Variants in SCN8A observed in about 807,000 individuals in gnomAD.
The protein encoded by SCN8A is sodium channel protein type 8 subunit alpha.
A neutral mutation model predicts 184.1 loss-of-function variants in SCN8A; 30 were observed. That is an observed-to-expected ratio of 0.16 (90% CI 0.12 to 0.22). The LOEUF (loss-of-function observed/expected upper bound fraction) is 0.22, where lower values mean the gene tolerates loss of function less well. Among genes scored for constraint, SCN8A ranks in the 10% least tolerant of loss-of-function variants. The probability of loss-of-function intolerance (pLI) is 1.00; values close to 1 mark genes in which losing one functional copy is unlikely to be tolerated. For missense variants in SCN8A, 1,057 were observed against 2,498.9 expected (o/e 0.42, Z 12.30); for synonymous variants, 852 against 907.0 (o/e 0.94, Z 1.09).
chr12:51,762,801 A>T, intron 15 of SCN8A, 125 bp downstream of exon 15: 4 of 890,686 alleles, frequency 4.5e-6, no homozygotes, highest in Non-Finnish European at 4.7e-6. Flanking sequence ...AATTCCAGTT[A>T]TTTGGCTTAG....
intron 1 of SCN8A, among the ~76,000 whole-genome samples, chr12:51,618,234 A>G (rs995573219): frequency 1.4e-4 from 22 of 152,104 alleles, no homozygotes; most frequent in Admixed American, 6.5e-4. Context: ...AACTTTTGCT[A>G]TTGACTGCCA....
At chr12:51,739,327 G>GC (rs1942380731) in intron 12 of SCN8A, among the ~76,000 whole-genome samples, 1 of 151,972 alleles carries the variant, frequency 6.6e-6, no homozygotes, top group Non-Finnish European at 1.5e-5. Context: ...AGAACTAAGA[G>GC]CCGTCACTCG....
intron 1 of SCN8A, among the ~76,000 whole-genome samples, chr12:51,605,902 A>AT (rs1188549630): frequency 6.6e-6 from 1 of 151,914 alleles, no homozygotes; most frequent in East Asian, 1.9e-4. Flanking sequence ...TCTTTTGAGA[A>AT]TTGTCTGTTC....
At chr12:51,801,134 C>G (rs747968415) in intron 26 of SCN8A, among the ~76,000 whole-genome samples, 1 of 139,776 alleles carries the variant, frequency 7.2e-6, no homozygotes, top group Non-Finnish European at 1.6e-5. Flanking sequence ...TTAGCCAATG[C>G]CAGAGCTCTA....
At chr12:51,725,252 A>G (rs537216432) in intron 12 of SCN8A, among the ~76,000 whole-genome samples, 1 of 152,354 alleles carries the variant, frequency 6.6e-6, no homozygotes, top group South Asian at 2.1e-4. Context: ...TCTAAGTTAC[A>G]TTAATAGGCC....
chr12:51,783,891 C>G (rs1937999978), intron 21 of SCN8A, among the ~76,000 whole-genome samples: 1 of 152,118 alleles, frequency 6.6e-6, no homozygotes, highest in African/African-American at 2.4e-5. Context: ...TATCAATTGC[C>G]AAGTATAAAC....
At chr12:51,687,303 A>C (rs1212379355) in intron 5 of SCN8A, 84 bp downstream of exon 5, 3 of 1,474,326 alleles carry the variant, frequency 2.0e-6, no homozygotes, top group Non-Finnish European at 2.8e-6. Flanking sequence ...GTAGGTGTGC[A>C]TTTGTGGACA....
chr12:51,803,451 A>G (rs1938610045), intron 26 of SCN8A, among the ~76,000 whole-genome samples: 1 of 152,118 alleles, frequency 6.6e-6, no homozygotes, highest in Non-Finnish European at 1.5e-5. Context: ...CCCAGAAACA[A>G]TGCTTTGCAT....
At chr12:51,740,144 C>G (rs1020489906) in intron 12 of SCN8A, among the ~76,000 whole-genome samples, 1 of 152,202 alleles carries the variant, frequency 6.6e-6, no homozygotes, top group Non-Finnish European at 1.5e-5. Context: ...CCCTCATTCC[C>G]GTAAACCCAC....
intron 11 of SCN8A, among the ~76,000 whole-genome samples, chr12:51,717,075 CT>C (rs1941978110): frequency 6.6e-6 from 1 of 152,232 alleles, no homozygotes; most frequent in Non-Finnish European, 1.5e-5. Flanking sequence ...TCAGGCTAAA[CT>C]TTCCCCCTCA....
intron 12 of SCN8A, among the ~76,000 whole-genome samples, chr12:51,730,608 A>C (rs1592412606): frequency 6.6e-6 from 1 of 152,212 alleles, no homozygotes; most frequent in African/African-American, 2.4e-5. Context: ...TTTATGAGGT[A>C]CATGAGATAC....
chr12:51,702,921 A>C lies in SCN8A; in HGVS notation c.1134+7A>C. The C allele has an allele frequency of 6.3e-7, 1 of 1,590,648 alleles. No homozygotes were observed. The highest frequency in any genetic ancestry group is 8.6e-7 in the Non-Finnish European group (1 of 1,167,118). On this transcript the variant is annotated splice_region_variant and intron_variant, in intron 9 of 26. Coordinates refer to ENST00000627620, the MANE Select transcript of SCN8A (RefSeq NM_001330260.2). ...GGAAAACTTGTATCAATTGGTGAGT[A>C]ATACCTCTTTTCCTTTGGCCATAGA...
Position 51,714,681 on chromosome 12 carries a change from C to G in SCN8A, c.1636-6865C>G, listed in dbSNP as rs369317687. Among the ~76,000 whole-genome samples the G allele has an allele frequency of 2.6e-5, 4 of 152,278 alleles. No homozygotes were observed. The East Asian group carries it at 7.7e-4, about 29-fold the overall frequency. ...TGGAAATAGAACATGTAAAATCACT[C>G]CTTCATCACATTCCAAACATCCCAG... On this transcript the variant is annotated intron_variant, in intron 11 of 26. Transcript: ENST00000627620.
chr12:51,699,541 C>T, intron 6 of SCN8A, 29 bp from the exon 7 acceptor site: 1 of 1,578,712 alleles, frequency 6.3e-7, no homozygotes, highest in Non-Finnish European at 8.6e-7. Context: ...TTTGAGGTGC[C>T]TCTGATTCCG....
At chr12:51,745,115 C>G (rs1942488989) in intron 12 of SCN8A, among the ~76,000 whole-genome samples, 1 of 152,162 alleles carries the variant, frequency 6.6e-6, no homozygotes, top group Non-Finnish European at 1.5e-5. Flanking sequence ...ATGAAGAAAC[C>G]CTTTGCTGTA....
intron 6 of SCN8A, among the ~76,000 whole-genome samples, chr12:51,698,478 A>T (rs1372734322): frequency 6.6e-6 from 1 of 152,184 alleles, no homozygotes; most frequent in Admixed American, 6.5e-5. Flanking sequence ...TGCATTGGCT[A>T]CCAAGAGTGC....
rs190253380 is a variant in SCN8A, at chr12:51,742,459, G to T, written c.1999-3444G>T. 3.3e-5 allele frequency among the ~76,000 whole-genome samples: 5 copies of T among 152,022 alleles called. No homozygotes were observed. The East Asian group carries it at 5.8e-4, about 18-fold the overall frequency. ...TTCATGCTTGAAGGATATTTTTGCC[G>T]GATATAGTGTTCTAGGGTAAAAGTT... is the stretch of plus-strand genomic sequence containing the variant. On this transcript the variant is annotated intron_variant, in intron 12 of 26. Coordinates refer to ENST00000627620, the MANE Select transcript of SCN8A (RefSeq NM_001330260.2).
At chr12:51,770,470 G>C (rs1370836431) in intron 18 of SCN8A, 59 bp from the exon 19 acceptor site, 2 of 1,494,776 alleles carry the variant, frequency 1.3e-6, no homozygotes, top group Non-Finnish European at 1.8e-6. Flanking sequence ...ATGGAGGAGA[G>C]GGCAGGTCTG....
chr12:51,595,188 T>G (rs1489773778), intron 1 of SCN8A, among the ~76,000 whole-genome samples: 1 of 152,168 alleles, frequency 6.6e-6, no homozygotes, highest in African/African-American at 2.4e-5. Context: ...AAAATAATAC[T>G]GTGCTCAAAA....
Sources: gnomAD v4.1 joint callset for allele counts (sites outside exome capture counted in the v4.1 genomes callset) on GRCh38, gnomAD v4.1.1 for gene constraint, MANE v1.5 for transcripts, NCBI Gene and HGNC (gene_info 2026-07-23, HGNC 2026-07-21) for gene names.